The following KHDRBS1 variants were observed in gnomAD, a reference collection of about 807,000 sequenced individuals.
The protein encoded by KHDRBS1 is KH RNA binding domain containing, signal transduction associated 1, also known as KH domain-containing, RNA-binding, signal transduction-associated protein 1.
Under a neutral mutation model 48.4 loss-of-function variants are expected in KHDRBS1, and 7 were observed. That is an observed-to-expected ratio of 0.14 (90% CI 0.08 to 0.27). The LOEUF (loss-of-function observed/expected upper bound fraction) is 0.27, where lower values mean the gene tolerates loss of function less well. Ranked by LOEUF, KHDRBS1 falls within the 10% of genes least tolerant of loss-of-function variation. KHDRBS1 has a pLI of 1.00. For missense variants in KHDRBS1, 458 were observed against 601.2 expected (o/e 0.76, Z 2.49); for synonymous variants, 241 against 235.8 (o/e 1.02, Z -0.20).
chr1:32,022,951 G>C (rs1053120216), intron 1 of KHDRBS1, among the ~76,000 whole-genome samples: 4 of 151,930 alleles, frequency 2.6e-5, no homozygotes, highest in African/African-American at 9.7e-5. Flanking sequence ...AGCCAGACCA[G>C]TTGATAAAGT....
intron 10 of KHDRBS1, among the ~76,000 whole-genome samples, chr1:32,055,302 G>C (rs893442903): frequency 2.6e-5 from 4 of 152,104 alleles, no homozygotes; most frequent in African/African-American, 9.7e-5. Flanking sequence ...ACAAAAATTA[G>C]CCGGACGTGG....
At chr1:32,018,360 C>T (rs867562347) in intron 1 of KHDRBS1, among the ~76,000 whole-genome samples, 1 of 152,218 alleles carries the variant, frequency 6.6e-6, no homozygotes, top group Middle Eastern at 3.4e-3. Context: ...ACTCAGGAGG[C>T]TAAGGCAGGA....
chr1:32,020,955 C>CAATT (rs10700865), intron 1 of KHDRBS1, among the ~76,000 whole-genome samples: 6,158 of 152,116 alleles, frequency 0.04, 404 homozygotes, highest in African/African-American at 0.14. Context: ...CTAATAAAGT[C>CAATT]AATTGTTAAT....
At chr1:32,025,108 T>TA (rs1011533406) in intron 1 of KHDRBS1, among the ~76,000 whole-genome samples, 2 of 150,592 alleles carry the variant, frequency 1.3e-5, no homozygotes, top group East Asian at 2.0e-4. Context: ...TCTCTACAAA[T>TA]AAAAAAAATT....
At chr1:32,016,633 A>G (rs1638745590) in intron 1 of KHDRBS1, among the ~76,000 whole-genome samples, 1 of 152,172 alleles carries the variant, frequency 6.6e-6, no homozygotes, top group Non-Finnish European at 1.5e-5. Context: ...TGGCTCCTCC[A>G]GGCACCTTTG....
intron 4 of KHDRBS1, among the ~76,000 whole-genome samples, chr1:32,036,010 C>G (rs1639170117): frequency 6.6e-6 from 1 of 152,026 alleles, no homozygotes; most frequent in African/African-American, 2.4e-5. Context: ...GATCCAACAC[C>G]TAGATTTTGA....
chr1:32,053,359 A>G (rs1215149573), intron 10 of KHDRBS1, among the ~76,000 whole-genome samples: 1 of 152,200 alleles, frequency 6.6e-6, no homozygotes, highest in Admixed American at 6.5e-5. Context: ...TTAGCATAAT[A>G]ACACTTTATT....
rs977259173 is a variant in KHDRBS1, at chr1:32,038,203, T to C, written c.1107+167T>C. ...GTTGAACTATTAGAAGATTTTTCCA[T>C]TTTAGGCAGGGTTTTACTATACGCC... On this transcript the variant is annotated intron_variant, in intron 6 of 8. Transcript: ENST00000327300. 4 of 1,121,322 alleles carry C rather than the reference T, an allele frequency of 3.6e-6. No individual in the cohort carries two copies. The African/African-American group carries it at 4.7e-5, about 13-fold the overall frequency. 69.5% of individuals were successfully genotyped at this position (1,121,322 alleles called of 1,614,324 possible). A position where few individuals can be genotyped will look rare whatever the true frequency, so the allele number is the denominator to read the frequency against.
rs1229710897 is a variant in KHDRBS1, at chr1:32,014,091, G to A, written c.96G>A (p.Gln32=). The change falls in exon 1 of 9, where the codon CAG becomes CAA. Residue 32 remains glutamine, a synonymous_variant. Transcript: ENST00000327300. ...DPSGAHPSVR[Q]TPSRQPPLPH... ...CCGGTGCCCACCCCTCGGTGCGTCA[G>A]ACGCCGTCTCGGCAGCCGCCGCTGC... The A allele has an allele frequency of 3.4e-6, 5 of 1,456,940 alleles. No homozygotes were observed. The Admixed American group carries it at 1.3e-4, about 37-fold the overall frequency. 90.3% of individuals were successfully genotyped at this position (1,456,940 alleles called of 1,614,324 possible). A position where few individuals can be genotyped will look rare whatever the true frequency, so the allele number is the denominator to read the frequency against.
chr1:32,037,189 C>T (rs1331788751), intron 5 of KHDRBS1, 146 bp downstream of exon 5: 2 of 890,770 alleles, frequency 2.2e-6, no homozygotes, highest in Non-Finnish European at 3.3e-6. Context: ...CATACTCTCA[C>T]ACCTGTAATC....
At chr1:32,047,840 G>A (rs1466623875), downstream of KHDRBS1, among the ~76,000 whole-genome samples, 1 of 152,008 alleles carries the variant, frequency 6.6e-6, no homozygotes, top group Non-Finnish European at 1.5e-5. Flanking sequence ...TCTTATATCT[G>A]CTAATAGTCA....
In KHDRBS1 at chr1:32,030,383, G is replaced by C. The variant is rs1639058826; in HGVS notation, c.468G>C (p.Leu156=). Residue 156 remains leucine, a synonymous_variant, in exon 2 of 9, where the codon CTG becomes CTC. Transcript: ENST00000327300. ...TATTTTCTCATAAGAACATGAAACT[G>C]AAAGAGCGAGTGCTGATACCTGTCA... is the stretch of plus-strand genomic sequence containing the variant. ...LDLFSHKNMK[L]KERVLIPVKQ... 1 of 1,612,572 alleles carries C rather than the reference G, an allele frequency of 6.2e-7. No individual in the cohort carries two copies. Among genetic ancestry groups the C allele is most frequent in the East Asian group, 2.2e-5 (1 of 44,714 alleles).
chr1:32,028,201 C>G (rs544799131), intron 1 of KHDRBS1, among the ~76,000 whole-genome samples: 45 of 152,128 alleles, frequency 3.0e-4, no homozygotes, highest in African/African-American at 1.1e-3. Context: ...ATACTTCAAG[C>G]CAATGGTTTT....
downstream of KHDRBS1, among the ~76,000 whole-genome samples, chr1:32,048,341 T>C (rs940052764): frequency 2.0e-5 from 3 of 152,132 alleles, no homozygotes; most frequent in Non-Finnish European, 4.4e-5. Flanking sequence ...ACTCTGTCTC[T>C]ACAAAAAGTT....
At chr1:32,027,047 A>G (rs1387929161) in intron 1 of KHDRBS1, among the ~76,000 whole-genome samples, 2 of 152,152 alleles carry the variant, frequency 1.3e-5, no homozygotes, top group Admixed American at 1.3e-4. Context: ...CGCCCACCTC[A>G]GCCTCCCAAA....
At position 32,014,195 on chromosome 1, in the gene KHDRBS1, T is replaced by A. The variant is rs1264826573; in HGVS notation, c.200T>A (p.Leu67Gln). The A allele has an allele frequency of 7.3e-7, 1 of 1,376,716 alleles. No homozygotes were observed. The highest frequency in any genetic ancestry group is 9.5e-7 in the Non-Finnish European group (1 of 1,056,116). The allele number at this position is 1,376,716 out of a possible 1,614,324, so 85.3% of individuals were successfully genotyped here. Reference protein sequence around the residue: ...ASPATQPPPLLPPSATGPDAT... With the variant: ...ASPATQPPPLQPPSATGPDAT... ...CCCGCCACGCAGCCGCCACCGCTGC[T>A]GCCGCCCTCGGCCACGGGTCCCGAC... is the stretch of plus-strand genomic sequence containing the variant. Residue 67 changes from leucine to glutamine, a missense_variant, in exon 1 of 9, where the codon CTG (leucine) becomes CAG (glutamine). Physicochemically the swap from Leu to Gln is moderately radical, Grantham distance 113. This residue lies in a region of KHDRBS1 where 213 missense variants were observed against 215.6 expected (regional missense o/e 0.99). Transcript: ENST00000327300.
intron 8 of KHDRBS1, among the ~76,000 whole-genome samples, 176 bp from the exon 9 acceptor site, chr1:32,042,351 T>C (rs755970899): frequency 6.6e-6 from 1 of 152,066 alleles, no homozygotes; most frequent in Non-Finnish European, 1.5e-5. Context: ...AACTGAAAAA[T>C]TGCCCAGGCT....
At position 32,042,575 on chromosome 1, in the gene KHDRBS1, C is replaced by G; in HGVS notation, c.1283C>G (p.Ala428Gly). ...AGGCCGTCGCTGAAGGCCCCTCCTGCTAGGCCAGTGAAGGGAGCATACAGA... is the reference window on the plus strand; with the variant it reads ...AGGCCGTCGCTGAAGGCCCCTCCTGGTAGGCCAGTGAAGGGAGCATACAGA... Reference protein sequence around the residue: ...GTRPSLKAPPARPVKGAYREH... With the variant: ...GTRPSLKAPPGRPVKGAYREH... Residue 428 changes from alanine (A) to glycine (G), a missense_variant, in exon 9 of 9, where the codon GCT (alanine) becomes GGT (glycine). This residue lies in a region of KHDRBS1 where 171 missense variants were observed against 228.7 expected (regional missense o/e 0.75). Coordinates refer to ENST00000327300, the MANE Select transcript of KHDRBS1 (RefSeq NM_006559.3). 1 of 1,613,818 alleles carries G rather than the reference C, an allele frequency of 6.2e-7. No individual in the cohort carries two copies. The highest frequency in any genetic ancestry group is 2.2e-5 in the East Asian group (1 of 44,880).
chr1:32,060,812 T>C (rs925521737), exon 11 of KHDRBS1: 3 of 152,236 alleles, frequency 2.0e-5, no homozygotes, highest in South Asian at 4.1e-4. Context: ...CCAACAAATA[T>C]CTGCCCCTGA....
Sources: gnomAD v4.1 joint callset for allele counts (sites outside exome capture counted in the v4.1 genomes callset) on GRCh38, gnomAD v4.1.1 for gene constraint, gnomAD v4.1.1 regional missense constraint, MANE v1.5 for transcripts, NCBI Gene and HGNC (gene_info 2026-07-23, HGNC 2026-07-21) for gene names.